SELENOI: variants seen among roughly 807,000 people sequenced by gnomAD.
SELENOI encodes the protein ethanolaminephosphotransferase 1.
Under a neutral mutation model 50.7 loss-of-function variants are expected in SELENOI, and 24 were observed. The ratio of observed to expected loss-of-function variants is 0.47; its 90% CI spans 0.34 to 0.67. The LOEUF is 0.67. SELENOI is among the 30% of genes least tolerant of loss of function. SELENOI has a pLI of 0.01. For synonymous variants in SELENOI, 155 were observed against 170.2 expected, an observed-to-expected ratio of 0.91 and a Z score of 0.70; for missense variants, 352 against 461.4, an observed-to-expected ratio of 0.76 and a Z score of 2.17.
At chr2:26,364,464 C>T in intron 2 of SELENOI, 94 bp downstream of exon 2, 1 of 814,958 alleles carries the variant, frequency 1.2e-6, no homozygotes, top group South Asian at 1.7e-5. Flanking sequence ...CTCTCAGTTT[C>T]ATAAGATATT....
intron 1 of SELENOI, among the ~76,000 whole-genome samples, chr2:26,352,568 G>A (rs75423556): frequency 0.093 from 14,108 of 152,130 alleles, 1,759 homozygotes; most frequent in East Asian, 0.61. Context: ...GGTGGATCAC[G>A]AGGTCAGGAG....
chr2:26,354,193 A>G (rs1442951351), intron 1 of SELENOI, among the ~76,000 whole-genome samples: 6 of 152,086 alleles, frequency 3.9e-5, no homozygotes, highest in Non-Finnish European at 7.4e-5. Flanking sequence ...AAGAGGTACT[A>G]TTTTCCCTGT....
intron 9 of SELENOI, 116 bp downstream of exon 9, chr2:26,386,652 T>C: frequency 1.2e-6 from 1 of 836,722 alleles, no homozygotes; most frequent in South Asian, 2.6e-5. Flanking sequence ...CTTATTATAG[T>C]AGCTGTAAGG....
intron 6 of SELENOI, among the ~76,000 whole-genome samples, chr2:26,378,146 A>C (rs1677607423): frequency 1.3e-5 from 2 of 151,982 alleles, no homozygotes; most frequent in Admixed American, 6.6e-5. Flanking sequence ...CAAAGTCGAT[A>C]CTGAGATTTT....
Position 26,386,417 on chromosome 2 carries a change from C to T in SELENOI, c.976C>T (p.Pro326Ser). 7.4e-6 allele frequency: 12 copies of T among 1,613,702 alleles called. No individual in the cohort carries two copies. The highest frequency in any genetic ancestry group is 9.3e-6 in the Non-Finnish European group (11 of 1,179,834). ...RCPTLNWLLVPLFLVVLVVNL... is the reference protein window; with the variant it reads ...RCPTLNWLLVSLFLVVLVVNL... ...TCCAACTTTGAATTGGTTGCTGGTT[C>T]CTCTCTTCTTGGTTGTCTTAGTGGT... The change falls in exon 9 of 10, where the codon CCT becomes TCT. Residue 326 changes from proline to serine, a missense_variant. Pro to Ser is a moderately conservative substitution (Grantham distance 74). Transcript: ENST00000260585.
chr2:26,383,306 A>C lies in SELENOI; in HGVS notation c.690A>C (p.Ala230=), dbSNP rs754579661. Residue 230 remains alanine (A), a synonymous_variant, in exon 7 of 10, where the codon GCA becomes GCC. Coordinates refer to ENST00000260585, the MANE Select transcript of SELENOI (RefSeq NM_033505.4). The part of the protein sequence containing the change: ...DLFTAMIIGC[A]LCVTLPMSLL... ...AATAATTATTCCCTTTAGGTTGTGC[A>C]TTATGTGTGACTCTTCCAATGAGTT... 2.8e-5 allele frequency: 43 copies of C among 1,536,388 alleles called. No homozygotes were observed. The highest frequency in any genetic ancestry group is 3.6e-5 in the Non-Finnish European group (41 of 1,130,958).
At chr2:26,360,173 A>G (rs773460265) in intron 1 of SELENOI, among the ~76,000 whole-genome samples, 12 of 152,258 alleles carry the variant, frequency 7.9e-5, no homozygotes, top group Non-Finnish European at 1.8e-4. Context: ...TATCTTTTTC[A>G]TGAACATGGA....
intron 6 of SELENOI, 86 bp from the exon 7 acceptor site, chr2:26,383,213 C>A: frequency 1.1e-6 from 1 of 908,536 alleles, no homozygotes; most frequent in South Asian, 2.1e-5. Flanking sequence ...TTTTTGGGGT[C>A]TAAAAAAATT....
intron 6 of SELENOI, among the ~76,000 whole-genome samples, chr2:26,379,758 A>G (rs137906812): frequency 6.6e-6 from 1 of 152,328 alleles, no homozygotes; most frequent in East Asian, 1.9e-4. Flanking sequence ...TACTTCATAA[A>G]TACATACTGA....
chr2:26,355,810 G>A (rs1162401223), intron 1 of SELENOI, among the ~76,000 whole-genome samples: 2 of 150,792 alleles, frequency 1.3e-5, no homozygotes, highest in African/African-American at 2.4e-5. Context: ...GCACTATCAC[G>A]GCTCACTGTA....
Position 26,361,540 on chromosome 2 carries a change from T to G in SELENOI, c.58-2762T>G, listed in dbSNP as rs188728759. Among the ~76,000 whole-genome samples the G allele has an allele frequency of 1.8e-4, 28 of 152,274 alleles. No homozygotes were observed. In the East Asian group the frequency reaches 4.8e-3, roughly 26 times the overall value. ...GTTGGCTATGGTTAAAATGAAACCT[T>G]GGTTAAGTAGGTGACTGCTGTACTA... On this transcript the variant is annotated intron_variant, in intron 1 of 9. Transcript: ENST00000260585.
chr2:26,381,553 T>A (rs1677702669), intron 6 of SELENOI, among the ~76,000 whole-genome samples: 2 of 152,190 alleles, frequency 1.3e-5, no homozygotes, highest in Non-Finnish European at 2.9e-5. Context: ...GTGGCAAATC[T>A]TTTGCTAGTT....
chr2:26,385,495 A>G (rs1677820008), intron 8 of SELENOI, among the ~76,000 whole-genome samples: 1 of 152,238 alleles, frequency 6.6e-6, no homozygotes, highest in Non-Finnish European at 1.5e-5. Flanking sequence ...TTATTCTAGG[A>G]AGCTTGGAAG....
intron 1 of SELENOI, among the ~76,000 whole-genome samples, chr2:26,358,331 G>A (rs1320904228): frequency 6.6e-6 from 1 of 152,166 alleles, no homozygotes. Context: ...AGGTTGCAGT[G>A]AGCCGAGATC....
At chr2:26,366,631 T>C (rs1267883093) in intron 3 of SELENOI, among the ~76,000 whole-genome samples, 1 of 152,178 alleles carries the variant, frequency 6.6e-6, no homozygotes, top group African/African-American at 2.4e-5. Context: ...CTCAGTTGTT[T>C]TGTCTTAGGG....
chr2:26,348,762 A>C (rs1676879572), intron 1 of SELENOI, among the ~76,000 whole-genome samples: 1 of 151,750 alleles, frequency 6.6e-6, no homozygotes, highest in Non-Finnish European at 1.5e-5. Flanking sequence ...AGTGCTAAAC[A>C]AATATTGAAG....
At chr2:26,385,526 A>G (rs1327124535) in intron 8 of SELENOI, among the ~76,000 whole-genome samples, 2 of 152,208 alleles carry the variant, frequency 1.3e-5, no homozygotes, top group Non-Finnish European at 2.9e-5. Context: ...GAAAGAGAAA[A>G]CACACACTTT....
In SELENOI at chr2:26,367,127, T is replaced by C; in HGVS notation, c.236-19T>C. 2 of 1,598,578 alleles carry C rather than the reference T, an allele frequency of 1.3e-6. No individual in the cohort carries two copies. The highest frequency in any genetic ancestry group is 1.7e-6 in the Non-Finnish European group (2 of 1,171,722). ...CTGTACTTAAACTGTATTAAAATCT[T>C]AGTTGCTTTCCTTTTCAGCACCAGG... is the stretch of plus-strand genomic sequence containing the variant. On this transcript the variant is annotated intron_variant, in intron 3 of 9. Transcript: ENST00000260585.
At position 26,395,467 on chromosome 2, in the gene SELENOI, A is replaced by C. The variant is rs1267845581; in HGVS notation, c.*6364A>C. On this transcript the variant is annotated 3_prime_UTR_variant, in exon 10 of 10. Transcript: ENST00000260585. ...CCAGGGTGGAGGCTTCTAGGTCTGCATGATGATGGGGCCCGTTTCTGGCCA... is the reference window on the plus strand; with the variant it reads ...CCAGGGTGGAGGCTTCTAGGTCTGCCTGATGATGGGGCCCGTTTCTGGCCA... 6.6e-6 allele frequency: 1 copy of C among 152,456 alleles called. No individual in the cohort carries two copies. The highest frequency in any genetic ancestry group is 1.5e-5 in the Non-Finnish European group (1 of 68,042). 9.4% of individuals were successfully genotyped at this position (152,456 alleles called of 1,614,324 possible). A position where few individuals can be genotyped will look rare whatever the true frequency, so the allele number is the denominator to read the frequency against.
Sources: gnomAD v4.1 joint callset for allele counts (sites outside exome capture counted in the v4.1 genomes callset) on GRCh38, gnomAD v4.1.1 for gene constraint, MANE v1.5 for transcripts, NCBI Gene and HGNC (gene_info 2026-07-23, HGNC 2026-07-21) for gene names.